The following EVC2 variants were observed in gnomAD, a reference collection of about 807,000 sequenced individuals.
EVC2 encodes the protein limbin.
A neutral mutation model predicts 149.3 loss-of-function variants in EVC2; 148 were observed. The ratio of observed to expected loss-of-function variants is 0.99; its 90% CI spans 0.87 to 1.14. The LOEUF (loss-of-function observed/expected upper bound fraction) is 1.14. EVC2 is among the 50% of genes most tolerant of loss of function. The pLI, the probability that EVC2 is intolerant of heterozygous loss-of-function variation, is 0.00. For missense variants in EVC2, 1,854 were observed against 1,627.3 expected, an observed-to-expected ratio of 1.14 and a Z score of -2.40; for synonymous variants, 776 against 649.9, an observed-to-expected ratio of 1.19 and a Z score of -2.95.
intron 6 of EVC2, among the ~76,000 whole-genome samples, chr4:5,684,172 C>A (rs1042833156): frequency 1.3e-5 from 2 of 152,120 alleles, no homozygotes; most frequent in Non-Finnish European, 2.9e-5. Context: ...TGCCTTTGTT[C>A]TCTATTTTTG....
At position 5,622,953 on chromosome 4, in the gene EVC2, C is replaced by T. The variant is rs1245287375; in HGVS notation, c.2085G>A (p.Glu695=). Reference sequence around the variant, plus strand: ...CGGCATCCTCAACCGTTCGGAAGGCCTCGCCGACGGACGCCTGCTCCCTAC... The same window carrying T: ...CGGCATCCTCAACCGTTCGGAAGGCTTCGCCGACGGACGCCTGCTCCCTAC... The part of the protein sequence containing the change: ...EQRREQASVG[E]AFRTVEDAGQ... The change falls in exon 14 of 22, where the codon GAG becomes GAA. Residue 695 remains glutamate (E), a synonymous_variant. Transcript: ENST00000344408. This position sits in a 1 kb window ranked among gnomAD's most constrained non-coding sequence, Gnocchi z 5.8. 2 of 1,614,072 alleles carry T rather than the reference C, an allele frequency of 1.2e-6. No individual in the cohort carries two copies. The highest frequency in any genetic ancestry group is 3.3e-5 in the Admixed American group (2 of 60,020).
intron 1 of EVC2, among the ~76,000 whole-genome samples, chr4:5,701,253 T>C (rs944224030): frequency 1.3e-5 from 2 of 152,216 alleles, no homozygotes; most frequent in African/African-American, 2.4e-5. Flanking sequence ...ACCCTGATTA[T>C]TACACTGGAA....
At chr4:5,678,868 T>C (rs1426207148) in intron 7 of EVC2, among the ~76,000 whole-genome samples, 1 of 151,940 alleles carries the variant, frequency 6.6e-6, no homozygotes, top group Non-Finnish European at 1.5e-5. Context: ...CCGTCTCTAC[T>C]AAAAATATAA....
downstream of EVC2, chr4:5,562,412 GC>G: frequency 1.0e-6 from 1 of 994,066 alleles, no homozygotes; most frequent in Middle Eastern, 5.0e-4. The surrounding 1 kb of genome is among the most constrained non-coding windows in gnomAD (Gnocchi z 4.3). Context: ...CCTACATAAA[GC>G]AAACATGGGT....
chr4:5,593,922 C>T (rs1713101528), intron 16 of EVC2, among the ~76,000 whole-genome samples: 1 of 152,226 alleles, frequency 6.6e-6, no homozygotes, highest in South Asian at 2.1e-4. Context: ...GATTATATCC[C>T]CCACCTGGCT....
intron 2 of EVC2, among the ~76,000 whole-genome samples, chr4:5,697,249 C>T (rs1721533755): frequency 1.3e-5 from 2 of 152,174 alleles, no homozygotes; most frequent in African/African-American, 4.8e-5. Context: ...AGAGAATAAA[C>T]GTGTGTGGTC....
chr4:5,619,649 T>C lies in EVC2; in HGVS notation c.2502-967A>G, dbSNP rs116663493. Reference sequence around the variant, plus strand: ...TGGTAGTGTTAAAAAACAAATGCAATGACATACATCATTGCTGTTCCTTAC... The same window carrying C: ...TGGTAGTGTTAAAAAACAAATGCAACGACATACATCATTGCTGTTCCTTAC... On this transcript the variant is annotated intron_variant, in intron 14 of 21. Transcript: ENST00000344408. Among the ~76,000 whole-genome samples the C allele has an allele frequency of 3.4e-3, 513 of 152,274 alleles. 3 individuals carry two copies. Among genetic ancestry groups the C allele is most frequent in the African/African-American group, 0.012 (494 of 41,554 alleles).
intron 17 of EVC2, among the ~76,000 whole-genome samples, chr4:5,580,245 A>G (rs979183729): frequency 6.6e-6 from 1 of 152,266 alleles, no homozygotes; most frequent in African/African-American, 2.4e-5. Context: ...GGAACAAAAC[A>G]ACAGGCTTGT....
chr4:5,619,610 G>A (rs1039633005), intron 14 of EVC2, among the ~76,000 whole-genome samples: 1 of 152,188 alleles, frequency 6.6e-6, no homozygotes, highest in Non-Finnish European at 1.5e-5. Context: ...CCACCAGTTT[G>A]TGGTACTTTG....
intron 16 of EVC2, among the ~76,000 whole-genome samples, chr4:5,586,684 G>A (rs1712309774): frequency 6.6e-6 from 1 of 152,058 alleles, no homozygotes; most frequent in South Asian, 2.1e-4. Flanking sequence ...CCTTTCTATT[G>A]ACAATAACTC....
chr4:5,622,939 A>G lies in EVC2; in HGVS notation c.2099T>C (p.Val700Ala), dbSNP rs1715823602. The G allele has an allele frequency of 6.2e-7, 1 of 1,613,870 alleles. No individual in the cohort carries two copies. Among genetic ancestry groups the G allele is most frequent in the Admixed American group, 1.7e-5 (1 of 59,992 alleles). Reference sequence around the variant, plus strand: ...GTGCAGGTACTGGCCGGCATCCTCAACCGTTCGGAAGGCCTCGCCGACGGA... The same window carrying G: ...GTGCAGGTACTGGCCGGCATCCTCAGCCGTTCGGAAGGCCTCGCCGACGGA... ...QASVGEAFRT[V>A]EDAGQYLHQK... Residue 700 changes from valine to alanine, a missense_variant, in exon 14 of 22, where the codon GTT becomes GCT. Transcript: ENST00000344408. This position sits in a 1 kb window ranked among gnomAD's most constrained non-coding sequence, Gnocchi z 5.8.
intron 1 of EVC2, among the ~76,000 whole-genome samples, chr4:5,703,866 C>A (rs1362715848): frequency 3.9e-5 from 6 of 152,018 alleles, no homozygotes. Context: ...ATGGGGGTTG[C>A]CATTTTAAAT....
intron 16 of EVC2, among the ~76,000 whole-genome samples, chr4:5,596,185 C>T (rs186960644): frequency 1.3e-5 from 2 of 152,026 alleles, no homozygotes. Context: ...ACAAGGATAC[C>T]CAGGAACTGA....
intron 19 of EVC2, among the ~76,000 whole-genome samples, chr4:5,570,980 T>C (rs1370511080): frequency 1.3e-5 from 2 of 151,746 alleles, no homozygotes; most frequent in African/African-American, 2.4e-5. Flanking sequence ...AAAATGGACT[T>C]TGGGGACTCA....
chr4:5,694,312 A>G (rs1721320186), intron 3 of EVC2, 23 bp downstream of exon 3: 2 of 1,611,836 alleles, frequency 1.2e-6, no homozygotes, highest in Non-Finnish European at 1.7e-6. Flanking sequence ...TATTTGTGTT[A>G]AAGCATTGAA....
intron 9 of EVC2, among the ~76,000 whole-genome samples, chr4:5,647,120 C>T (rs1459120364): frequency 6.6e-6 from 1 of 151,638 alleles, no homozygotes; most frequent in Non-Finnish European, 1.5e-5. Flanking sequence ...GAGGAAAATG[C>T]CCCCCCAGAC....
At chr4:5,604,520 G>T (rs1714235246) in intron 16 of EVC2, among the ~76,000 whole-genome samples, 1 of 152,106 alleles carries the variant, frequency 6.6e-6, no homozygotes, top group Admixed American at 6.6e-5. Flanking sequence ...GGAGGTAGAG[G>T]GTGGAAGGAT....
chr4:5,653,852 C>T (rs960038524), intron 9 of EVC2, among the ~76,000 whole-genome samples: 11 of 152,322 alleles, frequency 7.2e-5, no homozygotes, highest in Non-Finnish European at 1.3e-4. Flanking sequence ...CTGTTACAAA[C>T]GAGGCCCACC....
intron 21 of EVC2, among the ~76,000 whole-genome samples, chr4:5,543,408 A>G (rs1721554712): frequency 6.6e-6 from 1 of 152,200 alleles, no homozygotes; most frequent in Non-Finnish European, 1.5e-5. Context: ...AGAAGACACA[A>G]TTTTGAAGCC....
Sources: allele counts gnomAD v4.1 joint callset (sites outside exome capture counted in the v4.1 genomes callset), GRCh38; gene constraint gnomAD v4.1.1; non-coding constraint Gnocchi (gnomAD v3.1); transcripts MANE v1.5; gene names NCBI Gene and HGNC (gene_info 2026-07-23, HGNC 2026-07-21).